The following KIF5B variants were observed in gnomAD, a reference collection of about 807,000 sequenced individuals.
KIF5B encodes kinesin family member 5B, also known as kinesin-1 heavy chain.
A neutral mutation model predicts 132.8 loss-of-function variants in KIF5B; 49 were observed. That is an observed-to-expected ratio of 0.37 (90% confidence interval 0.29 to 0.47). KIF5B has a LOEUF of 0.47. Among genes scored for constraint, KIF5B ranks in the 20% least tolerant of loss-of-function variants. The pLI is 1.00. For synonymous variants in KIF5B, 355 were observed against 369.4 expected (o/e 0.96, Z 0.45); for missense variants, 780 against 1,144.0 (o/e 0.68, Z 4.59).
intron 23 of KIF5B, 103 bp from the exon 24 acceptor site, chr10:32,017,462 A>G (rs921103078): frequency 1.2e-6 from 1 of 854,386 alleles, no homozygotes; most frequent in Non-Finnish European, 1.8e-6. Flanking sequence ...ACTGCATTTT[A>G]TATTGTTTCC....
In KIF5B at chr10:32,038,173, G is replaced by A; in HGVS notation, c.488C>T (p.Pro163Leu). The change falls in exon 6 of 26, where the codon CCC (proline) becomes CTC (leucine). Residue 163 changes from proline to leucine, a missense_variant. This residue lies in a region of KIF5B where 76 missense variants were observed against 146.4 expected (regional missense o/e 0.52). Transcript: ENST00000302418. ...LSVHEDKNRV[P>L]YVKGCTERFV... ...CTGTACTATAAATACCTTTACATAG[G>A]GAACTCGGTTTTTGTCTTCATGAAC... 1 of 1,599,736 alleles carries A rather than the reference G, an allele frequency of 6.3e-7. No homozygotes were observed. The highest frequency in any genetic ancestry group is 1.1e-5 in the South Asian group (1 of 90,468).
intron 17 of KIF5B, among the ~76,000 whole-genome samples, chr10:32,021,933 C>A (rs1488006051): frequency 6.6e-6 from 1 of 152,150 alleles, no homozygotes; most frequent in Non-Finnish European, 1.5e-5. Flanking sequence ...GATAGTGCCA[C>A]TGCACTCCAG....
intron 1 of KIF5B, among the ~76,000 whole-genome samples, chr10:32,055,431 G>A (rs542523044): frequency 6.6e-6 from 1 of 152,206 alleles, no homozygotes; most frequent in African/African-American, 2.4e-5. Flanking sequence ...AGAGCTCAAT[G>A]TCACCAGCCG....
intron 25 of KIF5B, among the ~76,000 whole-genome samples, chr10:32,012,212 C>T (rs143275772): frequency 6.6e-6 from 1 of 152,186 alleles, no homozygotes; most frequent in Non-Finnish European, 1.5e-5. Flanking sequence ...GTGGCTCACA[C>T]CTGTAATCTG....
intron 15 of KIF5B, among the ~76,000 whole-genome samples, chr10:32,025,625 C>A (rs1352264803): frequency 7.0e-6 from 1 of 142,520 alleles, no homozygotes; most frequent in East Asian, 2.0e-4. Context: ...ATCTGCCCGC[C>A]TCGGCCTCCC....
intron 2 of KIF5B, among the ~76,000 whole-genome samples, chr10:32,042,121 C>A (rs1347149932): frequency 6.6e-6 from 1 of 151,936 alleles, no homozygotes; most frequent in African/African-American, 2.4e-5. Context: ...AAAAGAGAAG[C>A]CTCTGTTGGA....
intron 1 of KIF5B, among the ~76,000 whole-genome samples, chr10:32,051,823 T>C (rs1279324329): frequency 6.6e-6 from 1 of 152,212 alleles, no homozygotes; most frequent in Non-Finnish European, 1.5e-5. Flanking sequence ...TTATTTCTAA[T>C]GGTCTATAAT....
intron 25 of KIF5B, among the ~76,000 whole-genome samples, chr10:32,012,697 C>T (rs887107711): frequency 2.0e-5 from 3 of 152,106 alleles, no homozygotes; most frequent in African/African-American, 7.2e-5. Flanking sequence ...CAATAGTTAA[C>T]AAAAGTATGG....
chr10:32,020,893 T>G, intron 19 of KIF5B, 129 bp downstream of exon 19: 1 of 578,596 alleles, frequency 1.7e-6, no homozygotes, highest in South Asian at 2.6e-5. Flanking sequence ...TACTCATAAA[T>G]GAGAAAATTC....
At position 32,038,771 on chromosome 10, in the gene KIF5B, A is replaced by C. The variant is rs1184712830; in HGVS notation, c.442+7T>G. Reference sequence around the variant, plus strand: ...ATTTAAAACTGATTAGCAAGAATTTAACTTACCATCTAACAGGTCCCTTAT... The same window carrying C: ...ATTTAAAACTGATTAGCAAGAATTTCACTTACCATCTAACAGGTCCCTTAT... On this transcript the variant is annotated splice_region_variant and intron_variant, in intron 5 of 25. Transcript: ENST00000302418. 7.2e-7 allele frequency: 1 copy of C among 1,394,658 alleles called. No individual in the cohort carries two copies. The highest frequency in any genetic ancestry group is 1.9e-5 in the Admixed American group (1 of 52,808). 86.4% of individuals were successfully genotyped at this position (1,394,658 alleles called of 1,614,324 possible). A position where few individuals can be genotyped will look rare whatever the true frequency, so the allele number is the denominator to read the frequency against.
rs552464929 is a variant in KIF5B at position 32,012,843 on chromosome 10, G to T, written c.*21-1327C>A. Reference sequence around the variant, plus strand: ...CCCAGCTCCCACTTCCAGAAAGGTAGGAAAAGGCTTGCATCTACTGAATAC... The same window carrying T: ...CCCAGCTCCCACTTCCAGAAAGGTATGAAAAGGCTTGCATCTACTGAATAC... On this transcript the variant is annotated intron_variant, in intron 25 of 25. Transcript: ENST00000302418. 5.9e-5 allele frequency among the ~76,000 whole-genome samples: 9 copies of T among 151,948 alleles called. No homozygotes were observed. The South Asian group carries it at 1.9e-3, about 32-fold the overall frequency.
chr10:32,015,678 A>G lies in KIF5B; in HGVS notation c.2762-19T>C, dbSNP rs748505646. 1 of 1,595,348 alleles carries G rather than the reference A, an allele frequency of 6.3e-7. No homozygotes were observed. The highest frequency in any genetic ancestry group is 8.5e-7 in the Non-Finnish European group (1 of 1,170,038). On this transcript the variant is annotated intron_variant, in intron 24 of 25. Coordinates refer to ENST00000302418, the MANE Select transcript of KIF5B (RefSeq NM_004521.3). ...GGTTTAGCTAATATGAAAAATAAAG[A>G]CAGACTTTAGAATAAAGTTTAAGAT...
chr10:32,050,048 G>C (rs1482851654), intron 1 of KIF5B, among the ~76,000 whole-genome samples: 3 of 152,152 alleles, frequency 2.0e-5, no homozygotes, highest in South Asian at 2.1e-4. Context: ...CTAGGTATTT[G>C]CAAGTATCTG....
chr10:32,056,131 C>G lies in KIF5B; in HGVS notation c.-158G>C. On this transcript the variant is annotated 5_prime_UTR_variant, in exon 1 of 26. Coordinates refer to ENST00000302418, the MANE Select transcript of KIF5B (RefSeq NM_004521.3). The stretch of plus-strand genomic sequence containing the variant: ...CCCCGGGTGGAGGCGGCCGGGGAGC[C>G]GGGACTTGAAGAGCCGGCGCCGGCA... The G allele has an allele frequency of 1.2e-6, 1 of 846,044 alleles. No individual in the cohort carries two copies. Among genetic ancestry groups the G allele is most frequent in the Non-Finnish European group, 1.8e-6 (1 of 570,734 alleles). The allele number at this position is 846,044 out of a possible 1,614,324, so 52.4% of individuals were successfully genotyped here.
At chr10:32,037,028 T>C (rs191909801) in intron 8 of KIF5B, among the ~76,000 whole-genome samples, 24 of 152,286 alleles carry the variant, frequency 1.6e-4, no homozygotes, top group East Asian at 9.7e-4. Context: ...TCTTAAGTCA[T>C]AGAAACCACT....
chr10:32,009,760 C>T lies in KIF5B; in HGVS notation c.*1777G>A, dbSNP rs1841047654. 1 of 152,096 alleles carries T rather than the reference C, an allele frequency of 6.6e-6. No individual in the cohort carries two copies. The highest frequency in any genetic ancestry group is 6.6e-5 in the Admixed American group (1 of 15,262). 9.4% of individuals were successfully genotyped at this position (152,096 alleles called of 1,614,324 possible). ...TATGTGGATGCAGCCAAATGTTTCT[C>T]CATTTAGAAAATCATCATAAAAGGT... On this transcript the variant is annotated 3_prime_UTR_variant, in exon 26 of 26. Transcript: ENST00000302418.
intron 1 of KIF5B, among the ~76,000 whole-genome samples, chr10:32,052,219 G>A (rs1234452245): frequency 6.6e-6 from 1 of 152,154 alleles, no homozygotes; most frequent in African/African-American, 2.4e-5. Flanking sequence ...CAGATCACTT[G>A]GGAGTGTATT....
chr10:32,045,933 G>T (rs1444160754), intron 2 of KIF5B, among the ~76,000 whole-genome samples: 1 of 152,130 alleles, frequency 6.6e-6, no homozygotes, highest in Non-Finnish European at 1.5e-5. Context: ...CATTTTAGAA[G>T]ATTAACCTAG....
intron 2 of KIF5B, among the ~76,000 whole-genome samples, chr10:32,047,791 A>G (rs1841633189): frequency 6.6e-6 from 1 of 152,208 alleles, no homozygotes; most frequent in Non-Finnish European, 1.5e-5. Flanking sequence ...TCTAAGAAGC[A>G]CTTTGTAACA....
Sources: allele counts gnomAD v4.1 joint callset (sites outside exome capture counted in the v4.1 genomes callset), GRCh38; gene constraint gnomAD v4.1.1; regional missense constraint gnomAD v4.1.1; transcripts MANE v1.5; gene names NCBI Gene and HGNC (gene_info 2026-07-23, HGNC 2026-07-21).